Variants in PTPRF observed in about 807,000 individuals in gnomAD.
PTPRF encodes protein tyrosine phosphatase receptor type F.
PTPRF carries 59 observed loss-of-function variants against 201.8 expected under a neutral mutation model. The observed-to-expected ratio is 0.29, with a 90% CI of 0.24 to 0.36. The LOEUF is 0.36. Among genes scored for constraint, PTPRF ranks in the 10% least tolerant of loss-of-function variants. The probability of loss-of-function intolerance (pLI) is 1.00; values close to 1 mark genes in which losing one functional copy is unlikely to be tolerated. For synonymous variants in PTPRF, 1,088 were observed against 1,089.7 expected (o/e 1.00, Z 0.03); for missense variants, 2,132 against 2,690.5 (o/e 0.79, Z 4.59).
chr1:43,606,219 C>T (rs1025040358), intron 19 of PTPRF, 21 bp from the exon 20 acceptor site: 5 of 1,604,232 alleles, frequency 3.1e-6, no homozygotes, highest in African/African-American at 2.7e-5. Context: ...CCCTCATGAC[C>T]CCCATGCTCT....
At chr1:43,563,192 A>T (rs1245880254) in intron 5 of PTPRF, among the ~76,000 whole-genome samples, 9 of 128,386 alleles carry the variant, frequency 7.0e-5, no homozygotes, top group Admixed American at 3.0e-4. Context: ...AAAAAAAAAA[A>T]AATAAGATTA....
chr1:43,567,034 C>T (rs145001971), intron 5 of PTPRF, among the ~76,000 whole-genome samples: 1 of 152,178 alleles, frequency 6.6e-6, no homozygotes, highest in Non-Finnish European at 1.5e-5. Flanking sequence ...CACATTTGTA[C>T]TTCCCTTCCC....
intron 5 of PTPRF, among the ~76,000 whole-genome samples, chr1:43,559,945 GTGTA>G (rs779641643): frequency 6.6e-6 from 1 of 150,590 alleles, no homozygotes; most frequent in Non-Finnish European, 1.5e-5. Context: ...AGCAAGCTGT[GTGTA>G]TGTGTCAGGC....
At chr1:43,612,688 T>A (rs3791149) in intron 22 of PTPRF, 378,922 of 1,234,176 alleles carry the variant, frequency 0.31, 61,512 homozygotes, top group East Asian at 0.47. Context: ...GTGATGGTGC[T>A]GTAAGCAGAA....
chr1:43,584,607 A>G lies in PTPRF; in HGVS notation c.680-4124A>G, dbSNP rs535468971. Among the ~76,000 whole-genome samples, 17 of 149,012 alleles carry G rather than the reference A, an allele frequency of 1.1e-4. No individual in the cohort carries two copies. In the East Asian group the frequency reaches 3.5e-3, roughly 31 times the overall value. ...AGCACATGGACAAATATTTAGCGGG[A>G]AGGCAGACATGAGTTTCTAAATATT... On this transcript the variant is annotated intron_variant, in intron 7 of 33. Transcript: ENST00000359947.
At chr1:43,563,959 G>T (rs1318052383) in intron 5 of PTPRF, among the ~76,000 whole-genome samples, 1 of 152,156 alleles carries the variant, frequency 6.6e-6, no homozygotes, top group African/African-American at 2.4e-5. Context: ...GGCGATGTGG[G>T]GTGCCAGGGA....
At chr1:43,595,393 T>G (rs1228076056) in intron 11 of PTPRF, among the ~76,000 whole-genome samples, 1 of 152,048 alleles carries the variant, frequency 6.6e-6, no homozygotes, top group East Asian at 1.9e-4. Flanking sequence ...ATTTTTTTTT[T>G]GTAATTTTAG....
chr1:43,543,271 A>G (rs1390359701), intron 2 of PTPRF, among the ~76,000 whole-genome samples: 1 of 152,224 alleles, frequency 6.6e-6, no homozygotes. Context: ...ACCATAGCGC[A>G]AGCTCAGGCA....
chr1:43,575,836 G>C, intron 6 of PTPRF: 2 of 1,271,438 alleles, frequency 1.6e-6, no homozygotes, highest in Non-Finnish European at 2.1e-6. Context: ...ACCTGATTTG[G>C]CTTTGTGTGG....
rs914104700 is a variant in PTPRF, at chr1:43,537,342, A to G, written c.-125-856A>G. ...TAAAAATTATAGAGTAGAGAAAGTCAAAAATAAATATTGCTTCTGAAGCTT... is the reference window on the plus strand; with the variant it reads ...TAAAAATTATAGAGTAGAGAAAGTCGAAAATAAATATTGCTTCTGAAGCTT... On this transcript the variant is annotated intron_variant, in intron 1 of 33. Coordinates refer to ENST00000359947, the MANE Select transcript of PTPRF (RefSeq NM_002840.5). This position sits in a 1 kb window ranked among gnomAD's most constrained non-coding sequence, Gnocchi z 4.8. Among the ~76,000 whole-genome samples the G allele has an allele frequency of 6.6e-6, 1 of 152,224 alleles. No homozygotes were observed. The highest frequency in any genetic ancestry group is 2.4e-5 in the African/African-American group (1 of 41,454).
At chr1:43,527,566 G>T (rs780887192), upstream of PTPRF, among the ~76,000 whole-genome samples, 1 of 152,226 alleles carries the variant, frequency 6.6e-6, no homozygotes, top group Non-Finnish European at 1.5e-5. Flanking sequence ...GAGGGCAGAC[G>T]CCAATGGGTT....
At position 43,621,110 on chromosome 1, in the gene PTPRF, C is replaced by T. The variant is rs1234724539; in HGVS notation, c.5533C>T (p.Arg1845Cys). ...ITVHCSAGVG[R>C]TGVFITLSIV... is the part of the protein sequence containing the mutation. ...GTTTCTGAGCAGTGCTGGCGTGGGC[C>T]GCACCGGGGTGTTCATCACTCTGAG... The change falls in exon 33 of 34, where the codon CGC becomes TGC. Residue 1845 changes from arginine (R) to cysteine (C), a missense_variant. This residue lies in a region of PTPRF where 519 missense variants were observed against 659.5 expected (regional missense o/e 0.79). Transcript: ENST00000359947. 1.2e-6 allele frequency: 2 copies of T among 1,614,144 alleles called. No individual in the cohort carries two copies. The highest frequency in any genetic ancestry group is 1.3e-5 in the African/African-American group (1 of 75,054).
chr1:43,566,569 G>A (rs967927028), intron 5 of PTPRF, among the ~76,000 whole-genome samples: 3 of 152,208 alleles, frequency 2.0e-5, no homozygotes, highest in Non-Finnish European at 4.4e-5. Flanking sequence ...CTGGCTGATA[G>A]ATCAGTTTAC....
rs558995850 is a variant in PTPRF at position 43,546,029 on chromosome 1, G to A, written c.91+863G>A. Among the ~76,000 whole-genome samples the A allele has an allele frequency of 6.6e-6, 1 of 152,114 alleles. No homozygotes were observed. The highest frequency in any genetic ancestry group is 1.5e-5 in the Non-Finnish European group (1 of 68,000). On this transcript the variant is annotated intron_variant, in intron 3 of 33. Transcript: ENST00000359947. The surrounding 1 kb of genome is among the most constrained non-coding windows in gnomAD (Gnocchi z 4.2). ...GGGCGAGGTCGGAGCCAAGGTCCCT[G>A]GGGGAAGGGGCCGTTCCCAGCCTGT...
At chr1:43,571,669 C>T (rs1383843926) in intron 6 of PTPRF, among the ~76,000 whole-genome samples, 2 of 152,252 alleles carry the variant, frequency 1.3e-5, no homozygotes, top group Middle Eastern at 3.2e-3. Flanking sequence ...GCACCAGACA[C>T]TGCTTTCCCT....
intron 22 of PTPRF, among the ~76,000 whole-genome samples, chr1:43,610,134 C>T (rs1027919561): frequency 2.6e-5 from 4 of 152,194 alleles, no homozygotes; most frequent in African/African-American, 9.7e-5. Context: ...CTCCTTCTTC[C>T]TTTTGACGCC....
intron 7 of PTPRF, chr1:43,582,980 G>C (rs1648128218): frequency 2.5e-6 from 2 of 809,106 alleles, no homozygotes; most frequent in Non-Finnish European, 3.0e-6. Context: ...GGCAGATGAA[G>C]GTTGGCCTGT....
chr1:43,602,122 G>A, intron 14 of PTPRF, 25 bp downstream of exon 14: 1 of 1,609,224 alleles, frequency 6.2e-7, no homozygotes, highest in Non-Finnish European at 8.5e-7. Flanking sequence ...TGCGAACGCG[G>A]ACAAGACATG....
intron 23 of PTPRF, among the ~76,000 whole-genome samples, chr1:43,616,862 G>A (rs1657982736): frequency 6.6e-6 from 1 of 152,244 alleles, no homozygotes; most frequent in East Asian, 1.9e-4. Flanking sequence ...CCCAGGAAAG[G>A]TTGTAGAGAG....
Sources: allele counts gnomAD v4.1 joint callset (sites outside exome capture counted in the v4.1 genomes callset), GRCh38; gene constraint gnomAD v4.1.1; regional missense constraint gnomAD v4.1.1; non-coding constraint Gnocchi (gnomAD v3.1); transcripts MANE v1.5; gene names NCBI Gene and HGNC (gene_info 2026-07-23, HGNC 2026-07-21).